RPS6KA2: variants seen among roughly 807,000 people sequenced by gnomAD.
RPS6KA2 encodes ribosomal protein S6 kinase A2, also known as ribosomal protein S6 kinase alpha-2.
Under a neutral mutation model 91.8 loss-of-function variants are expected in RPS6KA2, and 42 were observed. The observed-to-expected ratio is 0.46, with a 90% CI of 0.36 to 0.59. The LOEUF is 0.59. RPS6KA2 is among the 20% of genes least tolerant of loss of function. The pLI is 0.00. For synonymous variants in RPS6KA2, 414 were observed against 393.6 expected (o/e 1.05, Z -0.61); for missense variants, 798 against 978.5 (o/e 0.82, Z 2.46).
chr6:166,702,927 T>TC lies in RPS6KA2; in HGVS notation c.123+155272dup. ...GATGGATGGATCCAGCTGGTTTTGT[T>TC]CCCCTCGTCTTCTCGCCTTTAAAAT... is the stretch of plus-strand genomic sequence containing the variant. On this transcript the variant is annotated intron_variant, in intron 2 of 21. Coordinates refer to the RPS6KA2 transcript ENST00000503859. 3 of 642,026 alleles carry TC rather than the reference T, an allele frequency of 4.7e-6. No individual in the cohort carries two copies. The South Asian group carries it at 5.6e-5, about 12-fold the overall frequency. 39.8% of individuals were successfully genotyped at this position (642,026 alleles called of 1,614,324 possible).
intron 2 of RPS6KA2, among the ~76,000 whole-genome samples, chr6:166,801,549 G>A (rs1033750654): frequency 1.3e-5 from 2 of 152,074 alleles, no homozygotes; most frequent in African/African-American, 4.8e-5. Context: ...GCCTTGCTGT[G>A]TTGCCCAGGC....
At chr6:166,597,633 G>C (rs1785584036) in intron 1 of RPS6KA2, among the ~76,000 whole-genome samples, 1 of 152,236 alleles carries the variant, frequency 6.6e-6, no homozygotes, top group Non-Finnish European at 1.5e-5. Context: ...AATGATCATG[G>C]AGCTGATAAC....
intron 10 of RPS6KA2, among the ~76,000 whole-genome samples, chr6:166,472,648 A>C (rs1172782079): frequency 6.6e-6 from 1 of 152,210 alleles, no homozygotes; most frequent in Non-Finnish European, 1.5e-5. Context: ...TATTCTTGTT[A>C]AAATAGGTGA....
At chr6:166,774,862 T>C (rs2072638) in intron 2 of RPS6KA2, among the ~76,000 whole-genome samples, 52,634 of 150,396 alleles carry the variant, frequency 0.35, 9,686 homozygotes, top group East Asian at 0.48. Context: ...GTGCTTCTTG[T>C]CTGTGACCTC....
chr6:166,861,511 G>A (rs1781046307), intron 1 of RPS6KA2, among the ~76,000 whole-genome samples: 1 of 152,242 alleles, frequency 6.6e-6, no homozygotes, highest in Non-Finnish European at 1.5e-5. Flanking sequence ...ACTCTCAGCA[G>A]TGATTCCTGC....
At chr6:166,637,523 G>A (rs1364806889) in intron 2 of RPS6KA2, among the ~76,000 whole-genome samples, 1 of 152,232 alleles carries the variant, frequency 6.6e-6, no homozygotes, top group African/African-American at 2.4e-5. Flanking sequence ...GAGAGTAGGA[G>A]AGCCAGCAAG....
In RPS6KA2 at chr6:166,469,916, C is replaced by A; in HGVS notation, c.908-11G>T. The stretch of plus-strand genomic sequence containing the variant: ...CGTCAATGCCAGCACCTGTCAACAA[C>A]ACAGAAATGATCATCAGAACAAATC... On this transcript the variant is annotated splice_polypyrimidine_tract_variant and intron_variant, in intron 10 of 20. Transcript: ENST00000265678. 1 of 1,612,346 alleles carries A rather than the reference C, an allele frequency of 6.2e-7. No individual in the cohort carries two copies. The highest frequency in any genetic ancestry group is 8.5e-7 in the Non-Finnish European group (1 of 1,178,316).
chr6:166,816,291 A>G (rs903315057), intron 2 of RPS6KA2, among the ~76,000 whole-genome samples: 2 of 151,902 alleles, frequency 1.3e-5, no homozygotes, highest in East Asian at 3.9e-4. Context: ...TACACCTGTA[A>G]TCCTAGCACT....
rs10806853 is a variant in RPS6KA2, at chr6:166,450,919, A to C, written c.1206+184T>G. ...CATCATGGGGACCGCCATGGGGGAT[A>C]ACCACGAGGGACCACCATGGCAGAC... On this transcript the variant is annotated intron_variant, in intron 13 of 20. Transcript: ENST00000265678. Among the ~76,000 whole-genome samples, 41,689 of 151,580 alleles carry C rather than the reference A, an allele frequency of 0.28. 5,737 individuals are homozygous for C. Among genetic ancestry groups the C allele is most frequent in the Middle Eastern group, 0.36 (106 of 294 alleles).
At chr6:166,772,140 G>A (rs908099673) in intron 2 of RPS6KA2, among the ~76,000 whole-genome samples, 15 of 152,206 alleles carry the variant, frequency 9.9e-5, no homozygotes, top group South Asian at 2.1e-4. Context: ...CATGTATGGT[G>A]AGCCTATGTG....
chr6:166,467,549 G>A (rs1049904255), intron 11 of RPS6KA2, among the ~76,000 whole-genome samples: 2 of 152,210 alleles, frequency 1.3e-5, no homozygotes, highest in African/African-American at 4.8e-5. Context: ...CTGGAAGGAG[G>A]AGACCAGTGA....
At chr6:166,590,868 C>A (rs1350468144) in intron 1 of RPS6KA2, among the ~76,000 whole-genome samples, 3 of 152,108 alleles carry the variant, frequency 2.0e-5, no homozygotes. Flanking sequence ...ATCAAAGACA[C>A]GACTTAGAGT....
intron 2 of RPS6KA2, among the ~76,000 whole-genome samples, chr6:166,641,668 C>T (rs1306710194): frequency 8.4e-6 from 1 of 119,736 alleles, no homozygotes; most frequent in Non-Finnish European, 1.6e-5. Flanking sequence ...TGCAGTGAGC[C>T]GAGATCACAC....
intron 2 of RPS6KA2, among the ~76,000 whole-genome samples, chr6:166,749,956 G>T (rs1227506918): frequency 4.6e-5 from 7 of 151,840 alleles, no homozygotes; most frequent in Non-Finnish European, 8.8e-5. Context: ...AAACAGAGAG[G>T]GCGGTGGAGG....
At chr6:166,844,618 A>C (rs1780564292) in intron 2 of RPS6KA2, among the ~76,000 whole-genome samples, 1 of 152,214 alleles carries the variant, frequency 6.6e-6, no homozygotes, top group Non-Finnish European at 1.5e-5. Flanking sequence ...TCCTATGTTT[A>C]GCCTCCTTAA....
intron 1 of RPS6KA2, among the ~76,000 whole-genome samples, chr6:166,553,517 A>G (rs1295038275): frequency 1.3e-5 from 2 of 149,574 alleles, no homozygotes; most frequent in Admixed American, 6.6e-5. Context: ...AGTCATTTAA[A>G]AAAAAAAAAA....
chr6:166,827,826 A>C (rs368649478), intron 2 of RPS6KA2, among the ~76,000 whole-genome samples: 10 of 152,238 alleles, frequency 6.6e-5, no homozygotes, highest in African/African-American at 1.9e-4. Flanking sequence ...CTGTAAGGAT[A>C]GGCTGGTGCA....
intron 13 of RPS6KA2, among the ~76,000 whole-genome samples, chr6:166,450,495 G>T (rs1036994370): frequency 1.4e-5 from 2 of 146,760 alleles, no homozygotes; most frequent in African/African-American, 5.1e-5. Context: ...CACCCTGGGA[G>T]ACCACCATGG....
At chr6:166,631,356 C>T (rs1309493623), upstream of RPS6KA2, among the ~76,000 whole-genome samples, 2 of 152,166 alleles carry the variant, frequency 1.3e-5, no homozygotes, top group Non-Finnish European at 2.9e-5. Context: ...AGAAAAACCA[C>T]ATTGGGTTTC....
Sources: gnomAD v4.1 joint callset for allele counts (sites outside exome capture counted in the v4.1 genomes callset) on GRCh38, gnomAD v4.1.1 for gene constraint, MANE v1.5 for transcripts, NCBI Gene and HGNC (gene_info 2026-07-23, HGNC 2026-07-21) for gene names.